The following CMTM3 variants were observed in gnomAD, a reference collection of about 807,000 sequenced individuals.
The protein encoded by CMTM3 is CKLF-like MARVEL transmembrane domain-containing protein 3.
In CMTM3, 7 loss-of-function variants were observed where a neutral mutation model predicts 18.2. The ratio of observed to expected loss-of-function variants is 0.38; its 90% confidence interval spans 0.22 to 0.72. The LOEUF is 0.72. Ranked by LOEUF, CMTM3 falls within the 30% of genes least tolerant of loss-of-function variation. CMTM3 has a pLI of 0.46. For synonymous variants in CMTM3, 109 were observed against 111.2 expected (o/e 0.98, Z 0.12); for missense variants, 227 against 249.2 (o/e 0.91, Z 0.60).
chr16:66,604,654 G>T (rs1185310738), upstream of CMTM3: 6 of 547,172 alleles, frequency 1.1e-5, no homozygotes, highest in Admixed American at 2.8e-4. Flanking sequence ...GGAGGAGCGG[G>T]TGGGGGCGGG....
chr16:66,604,498 G>T, upstream of CMTM3: 1 of 241,260 alleles, frequency 4.1e-6, no homozygotes, highest in African/African-American at 2.3e-5. Flanking sequence ...AGCTCCGAAG[G>T]GGTGCCGGGG....
chr16:66,608,344 G>A lies in CMTM3; in HGVS notation c.183G>A (p.Ala61=), dbSNP rs149684359. 650 of 1,614,162 alleles carry A rather than the reference G, an allele frequency of 4.0e-4. No homozygotes were observed. Among genetic ancestry groups the A allele is most frequent in the Non-Finnish European group, 5.1e-4 (602 of 1,180,034 alleles). ...TCATCACTTTTATCTGCTATGTGGC[G>A]TCCTCAGCATCTGCCTTCCTCACAG... The part of the protein sequence containing the change: ...LSFITFICYV[A]SSASAFLTAP... The change falls in exon 2 of 5, where the codon GCG becomes GCA. Residue 61 remains alanine (A), a synonymous_variant. Coordinates refer to ENST00000567572, the MANE Select transcript of CMTM3 (RefSeq NM_181553.4). This position sits in a 1 kb window ranked among gnomAD's most constrained non-coding sequence, Gnocchi z 5.1.
chr16:66,610,032 G>A lies in CMTM3; in HGVS notation c.520+29G>A. The A allele has an allele frequency of 1.2e-6, 2 of 1,611,526 alleles. No homozygotes were observed. The highest frequency in any genetic ancestry group is 1.7e-6 in the Non-Finnish European group (2 of 1,178,406). On this transcript the variant is annotated intron_variant, in intron 4 of 4. Coordinates refer to ENST00000567572, the MANE Select transcript of CMTM3 (RefSeq NM_181553.4). The surrounding 1 kb of genome is among the most constrained non-coding windows in gnomAD (Gnocchi z 4.6). Reference sequence around the variant, plus strand: ...AGCGGCTGCCCTGATCACCCCAGCAGTGCTGCAACAGGGGCCTGCCCTCCC... The same window carrying A: ...AGCGGCTGCCCTGATCACCCCAGCAATGCTGCAACAGGGGCCTGCCCTCCC...
chr16:66,609,348 G>A lies in CMTM3; in HGVS notation c.304-87G>A, dbSNP rs1410330742. On this transcript the variant is annotated intron_variant, in intron 2 of 4. Transcript: ENST00000567572. This position sits in a 1 kb window ranked among gnomAD's most constrained non-coding sequence, Gnocchi z 4.4. ...GGAGCCCTCAGGTGCTAGGCCTGGG[G>A]CTGGGAACACGACCAGGCTGCCAGG... The A allele has an allele frequency of 5.9e-6, 7 of 1,183,002 alleles. No individual in the cohort carries two copies. In the Admixed American group the frequency reaches 1.4e-4, roughly 23 times the overall value. The allele number at this position is 1,183,002 out of a possible 1,614,324, so 73.3% of individuals were successfully genotyped here. A position where few individuals can be genotyped will look rare whatever the true frequency, so the allele number is the denominator to read the frequency against.
At chr16:66,606,870 G>A (rs867255398) in intron 1 of CMTM3, among the ~76,000 whole-genome samples, 1 of 152,202 alleles carries the variant, frequency 6.6e-6, no homozygotes, top group Non-Finnish European at 1.5e-5. Context: ...GCGGGCGCCT[G>A]TAATCCCAGC....
Position 66,609,556 on chromosome 16 carries a change from A to G in CMTM3, c.399+26A>G, listed in dbSNP as rs1214361453. The G allele has an allele frequency of 1.4e-5, 22 of 1,568,886 alleles. No homozygotes were observed. Among genetic ancestry groups the G allele is most frequent in the Non-Finnish European group, 1.9e-5 (22 of 1,154,094 alleles). On this transcript the variant is annotated intron_variant, in intron 3 of 4. Transcript: ENST00000567572. This position sits in a 1 kb window ranked among gnomAD's most constrained non-coding sequence, Gnocchi z 4.4. ...GTGAGCAGCCGCCCCACCCCTCTGG[A>G]AACTGCAGATGCCCCTCTAGCCCCT...
rs1415181015 is a variant in CMTM3, at chr16:66,604,872, G to T, written c.67G>T (p.Ala23Ser). The change falls in exon 1 of 5, where the codon GCG (alanine) becomes TCG (serine). Residue 23 changes from alanine to serine, a missense_variant. Physicochemically the swap from Ala to Ser is moderately conservative, Grantham distance 99. Transcript: ENST00000567572. The part of the protein sequence containing the change: ...EPAGGSRPGP[A>S]VPGLRALLPA... Reference sequence around the variant, plus strand: ...TGCCGGCGGCTCCCGTCCCGGCCCCGCGGTCCCCGGGCTCCGCGCCCTGCT... The same window carrying T: ...TGCCGGCGGCTCCCGTCCCGGCCCCTCGGTCCCCGGGCTCCGCGCCCTGCT... 1.4e-6 allele frequency: 2 copies of T among 1,410,816 alleles called. No homozygotes were observed. The highest frequency in any genetic ancestry group is 3.0e-5 in the South Asian group (2 of 67,318). 87.4% of individuals were successfully genotyped at this position (1,410,816 alleles called of 1,614,324 possible).
intron 1 of CMTM3, among the ~76,000 whole-genome samples, chr16:66,607,667 T>C (rs2144739126): frequency 6.6e-6 from 1 of 152,318 alleles, no homozygotes; most frequent in African/African-American, 2.4e-5. Context: ...AACTGGTTCC[T>C]GCCTCGCTTT....
rs752349720 is a variant in CMTM3, at chr16:66,604,888, G to A, written c.83G>A (p.Arg28His). 316 of 1,433,606 alleles carry A rather than the reference G, an allele frequency of 2.2e-4. No homozygotes were observed. The highest frequency in any genetic ancestry group is 2.7e-4 in the Non-Finnish European group (300 of 1,097,946). 88.8% of individuals were successfully genotyped at this position (1,433,606 alleles called of 1,614,324 possible). The part of the protein sequence containing the change: ...SRPGPAVPGL[R>H]ALLPARAFLC... ...CCCGGCCCCGCGGTCCCCGGGCTCCGCGCCCTGCTGCCGGCGCGGGCTTTC... is the reference window on the plus strand; with the variant it reads ...CCCGGCCCCGCGGTCCCCGGGCTCCACGCCCTGCTGCCGGCGCGGGCTTTC... The change falls in exon 1 of 5, where the codon CGC (arginine) becomes CAC (histidine). Residue 28 changes from arginine (R) to histidine (H), a missense_variant. Transcript: ENST00000567572.
At chr16:66,604,586 G>A (rs1487030493), upstream of CMTM3, 3 of 343,548 alleles carry the variant, frequency 8.7e-6, no homozygotes, top group African/African-American at 2.2e-5. Context: ...AGGCCGGGGA[G>A]GGGGCGGGTC....
In CMTM3 at chr16:66,612,476, GA is replaced by G; in HGVS notation, c.521-131del. ...CTGCCCTGATGCCAGCGATCACTGG[GA>G]ACGGTAGAGTCAGCTGCAGGAGGCC... is the stretch of plus-strand genomic sequence containing the variant. On this transcript the variant is annotated intron_variant, in intron 4 of 4. Transcript: ENST00000567572. This position sits in a 1 kb window ranked among gnomAD's most constrained non-coding sequence, Gnocchi z 6.0. 1 of 852,328 alleles carries G rather than the reference GA, an allele frequency of 1.2e-6. No homozygotes were observed. Among genetic ancestry groups the G allele is most frequent in the Non-Finnish European group, 1.9e-6 (1 of 533,992 alleles). 52.8% of individuals were successfully genotyped at this position (852,328 alleles called of 1,614,324 possible). A position where few individuals can be genotyped will look rare whatever the true frequency, so the allele number is the denominator to read the frequency against.
In CMTM3 at chr16:66,612,997, G is replaced by A; in HGVS notation, c.*360G>A. The A allele has an allele frequency of 1.4e-6, 1 of 700,476 alleles. No individual in the cohort carries two copies. Among genetic ancestry groups the A allele is most frequent in the Non-Finnish European group, 2.6e-6 (1 of 383,276 alleles). 43.4% of individuals were successfully genotyped at this position (700,476 alleles called of 1,614,324 possible). A position where few individuals can be genotyped will look rare whatever the true frequency, so the allele number is the denominator to read the frequency against. ...TGTTCCATGCTGCTAGGTGGCGGGG[G>A]TCGGGGGTCTTCTGTTTCACTAACA... On this transcript the variant is annotated 3_prime_UTR_variant, in exon 5 of 5. Transcript: ENST00000567572. This position sits in a 1 kb window ranked among gnomAD's most constrained non-coding sequence, Gnocchi z 6.0.
rs2144731516 is a variant in CMTM3, at chr16:66,605,735, G to A, written c.147+783G>A. Among the ~76,000 whole-genome samples, 1 of 152,338 alleles carries A rather than the reference G, an allele frequency of 6.6e-6. No individual in the cohort carries two copies. The highest frequency in any genetic ancestry group is 2.4e-5 in the African/African-American group (1 of 41,584). On this transcript the variant is annotated intron_variant, in intron 1 of 4. Transcript: ENST00000567572. This position sits in a 1 kb window ranked among gnomAD's most constrained non-coding sequence, Gnocchi z 4.6. ...ACTTTACAGATGAGAGCGCTCAGGC[G>A]CCTGATTTGACAGGTGGCTCAACTG...
In CMTM3 at chr16:66,604,878, C is replaced by G; in HGVS notation, c.73C>G (p.Pro25Ala). 1.4e-6 allele frequency: 2 copies of G among 1,425,404 alleles called. No individual in the cohort carries two copies. Among genetic ancestry groups the G allele is most frequent in the Non-Finnish European group, 1.8e-6 (2 of 1,093,770 alleles). 88.3% of individuals were successfully genotyped at this position (1,425,404 alleles called of 1,614,324 possible). ...AGGSRPGPAVPGLRALLPARA... is the reference protein window; with the variant it reads ...AGGSRPGPAVAGLRALLPARA... The stretch of plus-strand genomic sequence containing the variant: ...CGGCTCCCGTCCCGGCCCCGCGGTC[C>G]CCGGGCTCCGCGCCCTGCTGCCGGC... Residue 25 changes from proline to alanine, a missense_variant, in exon 1 of 5, where the codon CCC (proline) becomes GCC (alanine). Physicochemically the swap from Pro to Ala is conservative, Grantham distance 27 (BLOSUM62 -1). Transcript: ENST00000567572.
chr16:66,606,615 C>T (rs1307813606), intron 1 of CMTM3, among the ~76,000 whole-genome samples: 1 of 152,138 alleles, frequency 6.6e-6, no homozygotes, highest in Non-Finnish European at 1.5e-5. Context: ...AACTACTCAG[C>T]CATAGACATG....
In CMTM3 at chr16:66,613,205, G is replaced by A. The variant is rs1450301022; in HGVS notation, c.*568G>A. Reference sequence around the variant, plus strand: ...GGGAGAAATTGACCTTTGCCTTGTCGCCCAGGAAGTGGGGCTCGGCACCCA... The same window carrying A: ...GGGAGAAATTGACCTTTGCCTTGTCACCCAGGAAGTGGGGCTCGGCACCCA... On this transcript the variant is annotated 3_prime_UTR_variant, in exon 5 of 5. Coordinates refer to ENST00000567572, the MANE Select transcript of CMTM3 (RefSeq NM_181553.4). 3.2e-5 allele frequency: 22 copies of A among 693,314 alleles called. No individual in the cohort carries two copies. The highest frequency in any genetic ancestry group is 4.5e-5 in the Non-Finnish European group (17 of 379,034). The allele number at this position is 693,314 out of a possible 1,614,324, so 42.9% of individuals were successfully genotyped here. A position where few individuals can be genotyped will look rare whatever the true frequency, so the allele number is the denominator to read the frequency against.
In CMTM3 at chr16:66,608,973, C is replaced by T. The variant is rs2015265024; in HGVS notation, c.304-462C>T. ...CCTTGTCTCTTGACTTCATATCCAG[C>T]ATCTGCTGCCTCAGGAGGGCTGCAC... On this transcript the variant is annotated intron_variant, in intron 2 of 4. Coordinates refer to ENST00000567572, the MANE Select transcript of CMTM3 (RefSeq NM_181553.4). The surrounding 1 kb of genome is among the most constrained non-coding windows in gnomAD (Gnocchi z 5.1). Among the ~76,000 whole-genome samples the T allele has an allele frequency of 1.3e-5, 2 of 152,102 alleles. No homozygotes were observed. Among genetic ancestry groups the T allele is most frequent in the South Asian group, 4.1e-4 (2 of 4,836 alleles).
rs772223070 is a variant in CMTM3 at position 66,609,866 on chromosome 16, A to C, written c.400-17A>C. 13 of 1,614,142 alleles carry C rather than the reference A, an allele frequency of 8.1e-6. No homozygotes were observed. In the South Asian group the frequency reaches 1.3e-4, roughly 16 times the overall value. On this transcript the variant is annotated splice_polypyrimidine_tract_variant and intron_variant, in intron 3 of 4. Transcript: ENST00000567572. The surrounding 1 kb of genome is among the most constrained non-coding windows in gnomAD (Gnocchi z 4.4). ...GGGAGTCAGCCCTGTGATGCATCCC[A>C]TCCACCCTGTCCACAGGTGTTTGGC... is the stretch of plus-strand genomic sequence containing the variant.
Position 66,604,905 on chromosome 16 carries a change from C to T in CMTM3, c.100C>T (p.Arg34Trp), listed in dbSNP as rs948544308. ...VPGLRALLPA[R>W]AFLCSLKGRL... ...CGGGCTCCGCGCCCTGCTGCCGGCG[C>T]GGGCTTTCCTCTGCTCTCTCAAAGG... Residue 34 changes from arginine to tryptophan, a missense_variant, in exon 1 of 5, where the codon CGG becomes TGG. Physicochemically the swap from Arg to Trp is moderately radical, Grantham distance 101. Coordinates refer to ENST00000567572, the MANE Select transcript of CMTM3 (RefSeq NM_181553.4). 5 of 1,464,270 alleles carry T rather than the reference C, an allele frequency of 3.4e-6. No individual in the cohort carries two copies. In the South Asian group the frequency reaches 5.3e-5, roughly 15 times the overall value. 90.7% of individuals were successfully genotyped at this position (1,464,270 alleles called of 1,614,324 possible). A position where few individuals can be genotyped will look rare whatever the true frequency, so the allele number is the denominator to read the frequency against.
Sources: allele counts gnomAD v4.1 joint callset (sites outside exome capture counted in the v4.1 genomes callset), GRCh38; gene constraint gnomAD v4.1.1; non-coding constraint Gnocchi (gnomAD v3.1); transcripts MANE v1.5; gene names NCBI Gene and HGNC (gene_info 2026-07-23, HGNC 2026-07-21).